The following OPCML variants were observed in gnomAD, a reference collection of about 807,000 sequenced individuals.
OPCML encodes opioid-binding protein/cell adhesion molecule.
A neutral mutation model predicts 37.8 loss-of-function variants in OPCML; 13 were observed. The observed-to-expected ratio is 0.34, with a 90% CI of 0.22 to 0.55. The LOEUF (loss-of-function observed/expected upper bound fraction) is 0.55, where lower values mean the gene tolerates loss of function less well. Among genes scored for constraint, OPCML ranks in the 20% least tolerant of loss-of-function variants. OPCML has a pLI of 0.91. For missense variants in OPCML, 341 were observed against 435.6 expected, an observed-to-expected ratio of 0.78 and a Z score of 1.93; for synonymous variants, 176 against 168.8, an observed-to-expected ratio of 1.04 and a Z score of -0.33.
intron 1 of OPCML, among the ~76,000 whole-genome samples, chr11:133,441,759 AT>A: frequency 6.6e-6 from 1 of 152,324 alleles, no homozygotes. Context: ...TATATGCAAC[AT>A]TAAAAAACAC....
At chr11:132,507,931 G>T (rs1008585647) in intron 4 of OPCML, among the ~76,000 whole-genome samples, 1 of 151,952 alleles carries the variant, frequency 6.6e-6, no homozygotes, top group African/African-American at 2.4e-5. Context: ...AAAATAATAT[G>T]ACTATTTTTG....
intron 3 of OPCML, among the ~76,000 whole-genome samples, chr11:132,648,956 G>T (rs1009583132): frequency 6.6e-6 from 1 of 151,966 alleles, no homozygotes; most frequent in Non-Finnish European, 1.5e-5. Context: ...TCCCCCTCTC[G>T]TCTCCTAGAC....
intron 2 of OPCML, among the ~76,000 whole-genome samples, chr11:132,795,890 G>A (rs1328685869): frequency 1.3e-5 from 2 of 152,118 alleles, no homozygotes; most frequent in African/African-American, 4.8e-5. Context: ...CGACACAGTC[G>A]GCCTTCTATA....
At chr11:133,361,978 C>A (rs1944433027) in intron 1 of OPCML, 1 of 151,742 alleles carries the variant, frequency 6.6e-6, no homozygotes, top group South Asian at 2.1e-4. Context: ...GAGGAGCTGG[C>A]AAAGGCACGC....
At chr11:132,916,246 G>T (rs749067313) in intron 2 of OPCML, among the ~76,000 whole-genome samples, 2 of 152,124 alleles carry the variant, frequency 1.3e-5, no homozygotes, top group Admixed American at 6.6e-5. Context: ...ATTCAAATCA[G>T]CTTTACAGTC....
intron 2 of OPCML, among the ~76,000 whole-genome samples, chr11:132,755,928 G>A (rs79759560): frequency 0.011 from 1,742 of 152,276 alleles, 31 homozygotes; most frequent in African/African-American, 0.039. Context: ...ACAGCAAGTG[G>A]CTGACAGCTT....
At chr11:132,842,784 C>T (rs1411250947) in intron 2 of OPCML, among the ~76,000 whole-genome samples, 2 of 152,180 alleles carry the variant, frequency 1.3e-5, no homozygotes, top group East Asian at 3.8e-4. Flanking sequence ...ACACTTAAAG[C>T]TGAATCCCAT....
At chr11:132,465,442 C>G (rs1041236160) in intron 4 of OPCML, among the ~76,000 whole-genome samples, 6 of 152,126 alleles carry the variant, frequency 3.9e-5, no homozygotes, top group Admixed American at 3.9e-4. Flanking sequence ...GAATTGATTT[C>G]TAGTGAAATC....
intron 1 of OPCML, among the ~76,000 whole-genome samples, chr11:133,070,586 G>A (rs905537383): frequency 1.1e-4 from 16 of 152,184 alleles, no homozygotes; most frequent in Non-Finnish European, 1.6e-4. Context: ...GAGAGGTAAC[G>A]CAACGGTGTG....
intron 1 of OPCML, among the ~76,000 whole-genome samples, chr11:133,316,266 A>G (rs1464316155): frequency 6.6e-6 from 1 of 152,208 alleles, no homozygotes; most frequent in East Asian, 1.9e-4. Flanking sequence ...TCGGAGAAGC[A>G]ACAAGAATAT....
chr11:133,314,032 G>T (rs7930263), intron 1 of OPCML, among the ~76,000 whole-genome samples: 2 of 150,466 alleles, frequency 1.3e-5, no homozygotes, highest in Admixed American at 6.6e-5. Flanking sequence ...TCAGGAGATC[G>T]AGACCATCCC....
At chr11:132,669,116 G>C (rs1045019216) in intron 2 of OPCML, among the ~76,000 whole-genome samples, 1 of 152,084 alleles carries the variant, frequency 6.6e-6, no homozygotes, top group Non-Finnish European at 1.5e-5. Context: ...GTGCACACCT[G>C]AAGCAGAATT....
intron 2 of OPCML, among the ~76,000 whole-genome samples, chr11:132,675,155 A>ACG (rs1942642880): frequency 3.5e-5 from 5 of 144,038 alleles, no homozygotes; most frequent in Admixed American, 7.0e-5. Flanking sequence ...ATATATATGT[A>ACG]TGTGTGTGTG....
chr11:133,245,232 G>A (rs551746383), intron 1 of OPCML, among the ~76,000 whole-genome samples: 9 of 152,308 alleles, frequency 5.9e-5, no homozygotes, highest in Middle Eastern at 3.4e-3. Flanking sequence ...TACAGGGGTC[G>A]TTCAAAGATA....
At chr11:133,353,016 T>C (rs1185236766) in intron 1 of OPCML, among the ~76,000 whole-genome samples, 7 of 152,232 alleles carry the variant, frequency 4.6e-5, no homozygotes, top group Middle Eastern at 3.2e-3. Context: ...GCCCAATAAA[T>C]GTCGCAGTTA....
chr11:132,797,523 A>G (rs143997737), intron 2 of OPCML, among the ~76,000 whole-genome samples: 1,538 of 152,356 alleles, frequency 0.01, 14 homozygotes, highest in Non-Finnish European at 0.017. Context: ...AGTGAGTTTC[A>G]CTATAAAGCG....
intron 4 of OPCML, among the ~76,000 whole-genome samples, chr11:132,441,359 G>A (rs1273688783): frequency 6.6e-6 from 1 of 150,886 alleles, no homozygotes; most frequent in Non-Finnish European, 1.5e-5. Flanking sequence ...TAGTAGAGAC[G>A]GGGTTTCACC....
chr11:132,546,967 C>T (rs1471137379), intron 3 of OPCML, among the ~76,000 whole-genome samples: 1 of 152,188 alleles, frequency 6.6e-6, no homozygotes, highest in African/African-American at 2.4e-5. Flanking sequence ...ACAATCATTT[C>T]AAAAGAGTCA....
intron 1 of OPCML, among the ~76,000 whole-genome samples, chr11:133,372,544 C>T (rs916953795): frequency 1.3e-5 from 2 of 152,172 alleles, no homozygotes; most frequent in Non-Finnish European, 2.9e-5. Flanking sequence ...TTCAATGAAG[C>T]TTACTCTTCT....
Sources: gnomAD v4.1 joint callset for allele counts (sites outside exome capture counted in the v4.1 genomes callset) on GRCh38, gnomAD v4.1.1 for gene constraint, MANE v1.5 for transcripts, NCBI Gene and HGNC (gene_info 2026-07-23, HGNC 2026-07-21) for gene names.